Variants in MPPE1 observed in about 807,000 individuals in gnomAD.
MPPE1 encodes metallophosphoesterase 1.
MPPE1 carries 28 observed loss-of-function variants against 43.8 expected under a neutral mutation model. That is an observed-to-expected ratio of 0.64 (90% CI 0.47 to 0.88). The LOEUF (loss-of-function observed/expected upper bound fraction) is 0.88, where lower values mean the gene tolerates loss of function less well. MPPE1 is among the 40% of genes least tolerant of loss of function. MPPE1 has a pLI of 0.00. For missense variants in MPPE1, 428 were observed against 492.2 expected, an observed-to-expected ratio of 0.87 and a Z score of 1.23; for synonymous variants, 159 against 188.5, an observed-to-expected ratio of 0.84 and a Z score of 1.28.
intron 2 of MPPE1, among the ~76,000 whole-genome samples, chr18:11,904,680 A>T (rs1172841791): frequency 2.0e-5 from 3 of 152,200 alleles, no homozygotes; most frequent in African/African-American, 7.2e-5. Context: ...TCATGCCTGT[A>T]ATCCCAGCAC....
At chr18:11,895,998 C>T (rs923558282) in intron 3 of MPPE1, among the ~76,000 whole-genome samples, 2 of 151,992 alleles carry the variant, frequency 1.3e-5, no homozygotes, top group African/African-American at 2.4e-5. Flanking sequence ...CAAGACACTG[C>T]AGGCCCCCCA....
chr18:11,905,916 C>T (rs902563997), intron 2 of MPPE1: 66 of 152,352 alleles, frequency 4.3e-4, no homozygotes, highest in African/African-American at 1.5e-3. Context: ...ACTTACCCCT[C>T]CTGAACCTCA....
At chr18:11,892,145 G>A (rs1598521555) in intron 4 of MPPE1, among the ~76,000 whole-genome samples, 1 of 151,926 alleles carries the variant, frequency 6.6e-6, no homozygotes, top group Non-Finnish European at 1.5e-5. Flanking sequence ...TTCGAGACCA[G>A]CCTGGGCAAC....
chr18:11,905,003 G>C (rs1218457607), intron 2 of MPPE1, among the ~76,000 whole-genome samples: 4 of 151,344 alleles, frequency 2.6e-5, no homozygotes, highest in Middle Eastern at 3.5e-3. Context: ...ACTTTTGACA[G>C]CAGATCCTTA....
chr18:11,908,254 G>A lies in MPPE1; in HGVS notation c.-253C>T, dbSNP rs748611189. ...AACGCCAGGCAGATGGGGAGCACCG[G>A]GCGGTGCGGGAGCCCTTTCACCAGG... On this transcript the variant is annotated 5_prime_UTR_variant, in exon 1 of 11. Coordinates refer to ENST00000588072, the MANE Select transcript of MPPE1 (RefSeq NM_023075.6). The A allele has an allele frequency of 5.9e-5, 9 of 152,284 alleles. No homozygotes were observed. Among genetic ancestry groups the A allele is most frequent in the East Asian group, 1.9e-4 (1 of 5,200 alleles). The allele number at this position is 152,284 out of a possible 1,614,324, so 9.4% of individuals were successfully genotyped here.
intron 3 of MPPE1, among the ~76,000 whole-genome samples, chr18:11,894,042 G>A (rs2038295917): frequency 6.6e-6 from 1 of 152,118 alleles, no homozygotes; most frequent in Non-Finnish European, 1.5e-5. Flanking sequence ...AAATAGGCTA[G>A]CTAATATCAA....
chr18:11,898,150 C>A (rs1195138848), intron 2 of MPPE1, among the ~76,000 whole-genome samples: 1 of 152,196 alleles, frequency 6.6e-6, no homozygotes, highest in Non-Finnish European at 1.5e-5. Context: ...CTCACTGCAA[C>A]CTCCGCCTCC....
At position 11,888,745 on chromosome 18, in the gene MPPE1, T is replaced by C; in HGVS notation, c.495-2A>G. The stretch of plus-strand genomic sequence containing the variant: ...CGTTCTACTTTGTATGTGTTCATCC[T>C]ATATTCAATTGTGAGAAGAAACATT... On this transcript the variant is annotated splice_acceptor_variant, in intron 5 of 10. Transcript: ENST00000588072. LOFTEE classifies it high-confidence loss of function. 1 of 1,565,254 alleles carries C rather than the reference T, an allele frequency of 6.4e-7. No homozygotes were observed. Among genetic ancestry groups the C allele is most frequent in the Non-Finnish European group, 8.7e-7 (1 of 1,155,694 alleles).
Position 11,885,731 on chromosome 18 carries a change from T to C in MPPE1, c.953A>G (p.Glu318Gly). 6.2e-7 allele frequency: 1 copy of C among 1,614,018 alleles called. No homozygotes were observed. Among genetic ancestry groups the C allele is most frequent in the Non-Finnish European group, 8.5e-7 (1 of 1,179,892 alleles). ...CEVHHGGRVP[E>G]LSVPSFSWRN... ...CCAACTGAAAGATGGGACGCTGAGC[T>C]CGGGGACTCGGCCCCCGTGGTGCAC... Residue 318 changes from glutamate (E) to glycine (G), a missense_variant, in exon 10 of 11, where the codon GAG becomes GGG. Around this residue, in one of 3 missense-constraint regions of MPPE1, gnomAD observed 379 missense variants for 402.5 expected, o/e 0.94. Transcript: ENST00000588072.
Position 11,904,180 on chromosome 18 carries a change from G to A in MPPE1, c.-93+2023C>T, listed in dbSNP as rs1239472745. On this transcript the variant is annotated intron_variant, in intron 2 of 10. Coordinates refer to ENST00000588072, the MANE Select transcript of MPPE1 (RefSeq NM_023075.6). ...GAGGACAGTAGAAAAGGAGAGAAGA[G>A]CAGAAGGGGATGGGGGAGCAAACAG... Among the ~76,000 whole-genome samples, 10 of 104,870 alleles carry A rather than the reference G, an allele frequency of 9.5e-5. No homozygotes were observed. In the East Asian group the frequency reaches 2.9e-3, roughly 31 times the overall value. 68.8% of individuals were successfully genotyped at this position (104,870 alleles called of 152,430 possible). A position where few individuals can be genotyped will look rare whatever the true frequency, so the allele number is the denominator to read the frequency against.
chr18:11,885,290 T>A (rs2037028199), intron 10 of MPPE1: 1 of 282,316 alleles, frequency 3.5e-6, no homozygotes, highest in Non-Finnish European at 6.9e-6. Context: ...CTGCAAAAGC[T>A]GCAGCGTTCT....
At chr18:11,903,897 CT>C (rs2039446848) in intron 2 of MPPE1, among the ~76,000 whole-genome samples, 1 of 152,232 alleles carries the variant, frequency 6.6e-6, no homozygotes, top group Non-Finnish European at 1.5e-5. Flanking sequence ...ACTTTTCTTT[CT>C]TTCCTGCTCT....
In MPPE1 at chr18:11,884,604, G is replaced by T. The variant is rs757591266; in HGVS notation, c.1032C>A (p.Tyr344Ter). The stretch of plus-strand genomic sequence containing the variant: ...GTGGGAGGTAGCACTTGGAGAGGGT[G>T]TAGTCTGTGGGCGTGATGCTACCCT... ...FIMGSITPTD[Y>*]TLSKCYLPRE... The change falls in exon 11 of 11, where the codon TAC becomes TAA. Residue 344 changes from tyrosine (Y) to a stop codon, truncating the protein, a stop_gained. Coordinates refer to ENST00000588072, the MANE Select transcript of MPPE1 (RefSeq NM_023075.6). LOFTEE classifies it low-confidence loss of function (END_TRUNC). 3.7e-6 allele frequency: 6 copies of T among 1,613,782 alleles called. No individual in the cohort carries two copies. The highest frequency in any genetic ancestry group is 1.7e-4 in the Middle Eastern group (1 of 6,044).
rs559673104 is a variant in MPPE1 at position 11,885,797 on chromosome 18, G to A, written c.887C>T (p.Pro296Leu). 1.1e-5 allele frequency: 17 copies of A among 1,610,104 alleles called. No individual in the cohort carries two copies. Among genetic ancestry groups the A allele is most frequent in the South Asian group, 3.3e-5 (3 of 90,954 alleles). The change falls in exon 10 of 11, where the codon CCG (proline) becomes CTG (leucine). Residue 296 changes from proline (P) to leucine (L), a missense_variant. Physicochemically the swap from Pro to Leu is moderately conservative, Grantham distance 98. Transcript: ENST00000588072. Reference protein sequence around the residue: ...ASQKLLWWLQPRLVLSGHTHS... With the variant: ...ASQKLLWWLQLRLVLSGHTHS... ...CGTGTGGCCACTGAGAACCAGGCGC[G>A]GCTGGAGCCACCACAGCAGCTGACA...
Position 11,889,448 on chromosome 18 carries a change from G to GT in MPPE1, c.432dup (p.His145ThrfsTer15). 6.2e-7 allele frequency: 1 copy of GT among 1,613,462 alleles called. No homozygotes were observed. Among genetic ancestry groups the GT allele is most frequent in the Non-Finnish European group, 8.5e-7 (1 of 1,179,718 alleles). On this transcript the variant is annotated frameshift_variant, in exon 5 of 11. Coordinates refer to ENST00000588072, the MANE Select transcript of MPPE1 (RefSeq NM_023075.6). LOFTEE classifies it high-confidence loss of function. ...ACCTTCAGCTGTACATGACTTGGGT[G>GT]TCTGAACATTTTCTGAAACCGCTCC...
At chr18:11,889,719 T>G (rs868717499) in intron 4 of MPPE1, among the ~76,000 whole-genome samples, 8 of 150,346 alleles carry the variant, frequency 5.3e-5, no homozygotes, top group Admixed American at 1.3e-4. Flanking sequence ...CATGCCACCA[T>G]GCCCGGCTAA....
At chr18:11,890,377 T>C (rs1598511263) in intron 4 of MPPE1, among the ~76,000 whole-genome samples, 1 of 152,188 alleles carries the variant, frequency 6.6e-6, no homozygotes, top group East Asian at 1.9e-4. Flanking sequence ...GGCCATGATC[T>C]TGGCTCACTG....
In MPPE1 at chr18:11,893,592, A is replaced by G. The variant is rs772986735; in HGVS notation, c.282-16T>C. On this transcript the variant is annotated splice_polypyrimidine_tract_variant and intron_variant, in intron 3 of 10. Transcript: ENST00000588072. ...CTGCCATTCCCTTGATGCCAATAGG[A>G]AAAAGTAAGGCATCAGTCTCTTTCC... 9.4e-6 allele frequency: 15 copies of G among 1,603,508 alleles called. No homozygotes were observed. In the African/African-American group the frequency reaches 1.2e-4, roughly 13 times the overall value.
chr18:11,906,082 C>A (rs2039688951), intron 2 of MPPE1, 121 bp downstream of exon 2: 1 of 152,184 alleles, frequency 6.6e-6, no homozygotes, highest in African/African-American at 2.4e-5. Context: ...GATAACCCAG[C>A]AGGAACAGTG....
Sources: gnomAD v4.1 joint callset for allele counts (sites outside exome capture counted in the v4.1 genomes callset) on GRCh38, gnomAD v4.1.1 for gene constraint, gnomAD v4.1.1 regional missense constraint, MANE v1.5 for transcripts, NCBI Gene and HGNC (gene_info 2026-07-23, HGNC 2026-07-21) for gene names.